STS: variants seen among roughly 807,000 people sequenced by gnomAD.
STS encodes the protein steryl-sulfatase.
In STS, 7 loss-of-function variants were observed where a neutral mutation model predicts 26.8. That is an observed-to-expected ratio of 0.26 (90% CI 0.15 to 0.49). The LOEUF (loss-of-function observed/expected upper bound fraction) is 0.49. STS is among the 20% of genes least tolerant of loss of function. The pLI, the probability that STS is intolerant of heterozygous loss-of-function variation, is 0.98. For missense variants in STS, 434 were observed against 465.6 expected, an observed-to-expected ratio of 0.93 and a Z score of 0.63; for synonymous variants, 199 against 189.4, an observed-to-expected ratio of 1.05 and a Z score of -0.42.
chrX:7,236,037 A>G (rs1256506573), intron 2 of STS, among the ~76,000 whole-genome samples: 2 of 112,326 alleles, frequency 1.8e-5, no homozygotes, highest in African/African-American at 6.5e-5. Flanking sequence ...AATTTAATAT[A>G]ACTTTATATT....
intron 1 of STS, among the ~76,000 whole-genome samples, chrX:7,153,905 T>G (rs990364691): frequency 5.5e-5 from 6 of 108,310 alleles, no homozygotes; most frequent in Non-Finnish European, 1.2e-4. Flanking sequence ...CCTCCCTCTC[T>G]GCTTCCTTCC....
intron 7 of STS, among the ~76,000 whole-genome samples, chrX:7,284,991 T>C (rs1925058176): frequency 9.0e-6 from 1 of 110,515 alleles, no homozygotes; most frequent in Non-Finnish European, 1.9e-5. Context: ...AGTGATAATG[T>C]TGATGATGAT....
intron 7 of STS, among the ~76,000 whole-genome samples, chrX:7,290,042 A>G (rs1925336830): frequency 8.9e-6 from 1 of 112,032 alleles, no homozygotes; most frequent in Non-Finnish European, 1.9e-5. Context: ...ATCTTATGAA[A>G]CCAGTGCTCA....
intron 8 of STS, among the ~76,000 whole-genome samples, chrX:7,320,002 T>TA (rs1926910157): frequency 1.2e-5 from 1 of 81,153 alleles, no homozygotes; most frequent in African/African-American, 5.8e-5. Flanking sequence ...ATATATATTT[T>TA]TATATATATA....
chrX:7,331,845 T>G (rs1430036261), intron 9 of STS, among the ~76,000 whole-genome samples: 1 of 104,180 alleles, frequency 9.6e-6, no homozygotes. Context: ...CAGCGTGATT[T>G]ATGGCCTGCC....
chrX:7,147,463 C>T (rs1226759900), upstream of STS, among the ~76,000 whole-genome samples: 1 of 111,861 alleles, frequency 8.9e-6, no homozygotes, highest in Non-Finnish European at 1.9e-5. Context: ...CACTCCTCGC[C>T]AGCTGTGACA....
rs371626352 is a variant in STS, at chrX:7,275,993, C to T, written c.849C>T (p.His283=). The change falls in exon 7 of 11, where the codon CAC becomes CAT. Residue 283 remains histidine (H), a synonymous_variant. Transcript: ENST00000674429. ...TCCTGCTTGTCTTGTCCTACCTCCA[C>T]GTGCACACAGCCCTGTTCTCCAGCA... The part of the protein sequence containing the change: ...TPFLLVLSYL[H]VHTALFSSKD... 73 of 1,193,572 alleles carry T rather than the reference C, an allele frequency of 6.1e-5. No homozygotes were observed. In the South Asian group the frequency reaches 1.0e-3, roughly 17 times the overall value.
intron 2 of STS, among the ~76,000 whole-genome samples, chrX:7,246,777 G>C (rs961580467): frequency 2.7e-5 from 3 of 112,167 alleles, no homozygotes; most frequent in Non-Finnish European, 5.6e-5. Context: ...TGTGTCTTAG[G>C]CCAGCATGAA....
intron 1 of STS, 33 bp from the exon 2 acceptor site, chrX:7,190,847 G>A (rs753403977): frequency 5.0e-5 from 7 of 139,176 alleles, no homozygotes; most frequent in East Asian, 2.7e-4. Flanking sequence ...ATTACCCAGC[G>A]TGTGATTATT....
chrX:7,351,713 C>T lies in STS; in HGVS notation c.*1452C>T, dbSNP rs1484177503. On this transcript the variant is annotated 3_prime_UTR_variant, in exon 11 of 11. Transcript: ENST00000674429. ...AGTTTGCTCAATTCCAAGACAGTGC[C>T]CATGAATGGGACACCTGTAATGTAA... The T allele has an allele frequency of 9.0e-6, 1 of 110,874 alleles. No individual in the cohort carries two copies. Among genetic ancestry groups the T allele is most frequent in the Non-Finnish European group, 1.9e-5 (1 of 53,026 alleles). 9.1% of individuals were successfully genotyped at this position (110,874 alleles called of 1,213,427 possible).
In STS at chrX:7,259,683, G is replaced by A. The variant is rs1283128927; in HGVS notation, c.717G>A (p.Met239Ile). ...ACTTCCGGCCCCTGAACTGCTTCATGATGAGGAACTACGAGATCATTCAGC... is the reference window on the plus strand; with the variant it reads ...ACTTCCGGCCCCTGAACTGCTTCATAATGAGGAACTACGAGATCATTCAGC... ...LHYFRPLNCF[M>I]MRNYEIIQQP... is the part of the protein sequence containing the mutation. Residue 239 changes from methionine to isoleucine, a missense_variant, in exon 6 of 11, where the codon ATG (methionine) becomes ATA (isoleucine). Physicochemically the swap from Met to Ile is conservative, Grantham distance 10. Transcript: ENST00000674429. 1.2e-5 allele frequency: 14 copies of A among 1,209,056 alleles called. No homozygotes were observed. Among genetic ancestry groups the A allele is most frequent in the African/African-American group, 3.5e-5 (2 of 56,903 alleles).
intron 9 of STS, among the ~76,000 whole-genome samples, chrX:7,332,284 T>C (rs758660458): frequency 8.3e-5 from 9 of 108,182 alleles, no homozygotes; most frequent in Non-Finnish European, 1.7e-4. Context: ...TGAGCTATGG[T>C]CGCGCCACCA....
intron 8 of STS, among the ~76,000 whole-genome samples, chrX:7,319,164 CTGTTTTT>C (rs1926846325): frequency 9.1e-6 from 1 of 110,140 alleles, no homozygotes; most frequent in Non-Finnish European, 1.9e-5. Context: ...GCTTTGTTTT[CTGTTTTT>C]TAAGACATGA....
intron 2 of STS, among the ~76,000 whole-genome samples, chrX:7,213,846 T>G (rs1253425117): frequency 5.4e-5 from 6 of 110,161 alleles, no homozygotes; most frequent in Non-Finnish European, 5.7e-5. Context: ...CTTTGGGAGG[T>G]CAGGGAAGGA....
At chrX:7,347,687 C>T (rs1385252217) in intron 10 of STS, among the ~76,000 whole-genome samples, 2 of 111,533 alleles carry the variant, frequency 1.8e-5, no homozygotes, top group Non-Finnish European at 3.8e-5. Flanking sequence ...AGGCTTGACT[C>T]GAATGTCAAG....
At chrX:7,150,299 G>A (rs201495554) in intron 1 of STS, among the ~76,000 whole-genome samples, 1 of 111,712 alleles carries the variant, frequency 9.0e-6, no homozygotes, top group Non-Finnish European at 1.9e-5. Flanking sequence ...TCTGCTCACT[G>A]CAGCCTCAGC....
intron 8 of STS, among the ~76,000 whole-genome samples, chrX:7,312,692 A>G (rs1926539017): frequency 9.0e-6 from 1 of 111,501 alleles, no homozygotes; most frequent in African/African-American, 3.3e-5. Context: ...GATGCCATGT[A>G]AGACATGCCT....
chrX:7,235,870 C>T (rs1282347202), intron 2 of STS, among the ~76,000 whole-genome samples: 3 of 112,135 alleles, frequency 2.7e-5, no homozygotes, highest in Admixed American at 9.5e-5. Flanking sequence ...TGTGAATGTG[C>T]TCTTTTTATT....
chrX:7,326,830 G>T lies in STS; in HGVS notation c.1241+1332G>T, dbSNP rs570899985. On this transcript the variant is annotated intron_variant, in intron 9 of 10. Coordinates refer to ENST00000674429, the MANE Select transcript of STS (RefSeq NM_001320752.2). ...CAGCCACGCTGCCAAAGCAAGTCCA[G>T]AGATGGGTTTCCTCCCCTCCCGCTG... 2.8e-4 allele frequency among the ~76,000 whole-genome samples: 31 copies of T among 111,864 alleles called. No homozygotes were observed. In the South Asian group the frequency reaches 3.0e-3, roughly 11 times the overall value.
Sources: allele counts gnomAD v4.1 joint callset (sites outside exome capture counted in the v4.1 genomes callset), GRCh38; gene constraint gnomAD v4.1.1; transcripts MANE v1.5; gene names NCBI Gene and HGNC (gene_info 2026-07-23, HGNC 2026-07-21).